NAA25: variants seen among roughly 807,000 people sequenced by gnomAD.
NAA25 encodes the protein N-terminal acetyltransferase B complex subunit NAA25.
Under a neutral mutation model 132.5 loss-of-function variants are expected in NAA25, and 30 were observed. The ratio of observed to expected loss-of-function variants is 0.23; its 90% CI spans 0.17 to 0.31. NAA25 has a LOEUF of 0.31. Among genes scored for constraint, NAA25 ranks in the 10% least tolerant of loss-of-function variants. The pLI, the probability that NAA25 is intolerant of heterozygous loss-of-function variation, is 1.00. For missense variants in NAA25, 771 were observed against 1,150.4 expected (o/e 0.67, Z 4.77); for synonymous variants, 359 against 401.9 (o/e 0.89, Z 1.28).
chr12:112,090,910 G>A (rs2079118773), intron 2 of NAA25, 46 bp from the exon 3 acceptor site: 2 of 1,548,896 alleles, frequency 1.3e-6, no homozygotes, highest in Non-Finnish European at 1.8e-6. Flanking sequence ...GACAGAAAAG[G>A]AAATATGAAC....
chr12:112,088,455 T>C (rs1270782794), intron 3 of NAA25, among the ~76,000 whole-genome samples: 1 of 150,190 alleles, frequency 6.7e-6, no homozygotes, highest in Non-Finnish European at 1.5e-5. Context: ...GCCTCCCAAG[T>C]AGCTGTTCTG....
Position 112,087,664 on chromosome 12 carries a change from G to A in NAA25, c.402+19C>T. The A allele has an allele frequency of 1.3e-6, 2 of 1,555,864 alleles. No individual in the cohort carries two copies. Among genetic ancestry groups the A allele is most frequent in the Non-Finnish European group, 1.8e-6 (2 of 1,127,794 alleles). On this transcript the variant is annotated intron_variant, in intron 4 of 23. Transcript: ENST00000261745. ...TAATAGTAAATCCCATAGCCCAGTA[G>A]GTTTGGGGATCAAATTACCTGTTGC...
rs747950814 is a variant in NAA25, at chr12:112,069,041, T to C, written c.1037-49A>G. 3 of 1,058,966 alleles carry C rather than the reference T, an allele frequency of 2.8e-6. No individual in the cohort carries two copies. In the South Asian group the frequency reaches 4.1e-5, roughly 15 times the overall value. 65.6% of individuals were successfully genotyped at this position (1,058,966 alleles called of 1,614,324 possible). A position where few individuals can be genotyped will look rare whatever the true frequency, so the allele number is the denominator to read the frequency against. On this transcript the variant is annotated intron_variant, in intron 10 of 23. Coordinates refer to ENST00000261745, the MANE Select transcript of NAA25 (RefSeq NM_024953.4). ...CTTTATTACTCATGAACAGAAGCAA[T>C]TTCTATTTAAGTGAGAATTAATTTG...
intron 11 of NAA25, 141 bp downstream of exon 11, chr12:112,068,739 G>T (rs2078756453): frequency 1.8e-6 from 1 of 544,236 alleles, no homozygotes; most frequent in South Asian, 2.9e-5. Flanking sequence ...AACACATAGA[G>T]TACTTAGCTT....
intron 7 of NAA25, among the ~76,000 whole-genome samples, chr12:112,076,152 G>C (rs1223329520): frequency 6.6e-6 from 1 of 151,942 alleles, no homozygotes; most frequent in Non-Finnish European, 1.5e-5. Flanking sequence ...CAGAGTGCTG[G>C]GATTACAGCT....
chr12:112,036,293 C>T (rs528518554), intron 22 of NAA25, among the ~76,000 whole-genome samples: 185 of 152,180 alleles, frequency 1.2e-3, no homozygotes, highest in South Asian at 6.6e-3. Flanking sequence ...CTCACTGGAA[C>T]GTATTCTAAG....
chr12:112,068,731 C>T, intron 11 of NAA25, 149 bp downstream of exon 11: 1 of 504,444 alleles, frequency 2.0e-6, no homozygotes, highest in Non-Finnish European at 3.5e-6. Flanking sequence ...AGTGTTGTAA[C>T]ACATAGAGTA....
intron 1 of NAA25, among the ~76,000 whole-genome samples, chr12:112,106,764 G>A (rs1468915203): frequency 6.7e-6 from 1 of 150,362 alleles, no homozygotes; most frequent in Non-Finnish European, 1.5e-5. Flanking sequence ...GACTAGACTG[G>A]GCAACATGAC....
intron 4 of NAA25, among the ~76,000 whole-genome samples, chr12:112,086,192 G>A (rs1384619525): frequency 6.8e-6 from 1 of 147,608 alleles, no homozygotes; most frequent in Non-Finnish European, 1.5e-5. Flanking sequence ...AATTACATTG[G>A]GACCCCTCAA....
At position 112,066,942 on chromosome 12, in the gene NAA25, A is replaced by G. The variant is rs982146129; in HGVS notation, c.1149+1938T>C. Among the ~76,000 whole-genome samples, 21 of 152,238 alleles carry G rather than the reference A, an allele frequency of 1.4e-4. 1 individual carries two copies. Among genetic ancestry groups the G allele is most frequent in the African/African-American group, 4.8e-4 (20 of 41,458 alleles). ...ACTTCATTCATTCCACATGGGGACA[A>G]TAGAAGGCTTTCTGGGAGAACGGAT... On this transcript the variant is annotated intron_variant, in intron 11 of 23. Transcript: ENST00000261745.
rs369979627 is a variant in NAA25 at position 112,034,787 on chromosome 12, C to G, written c.2650-1408G>C. 8 of 144,964 alleles carry G rather than the reference C, an allele frequency of 5.5e-5. No homozygotes were observed. In the East Asian group the frequency reaches 1.5e-3, roughly 28 times the overall value. 9.0% of individuals were successfully genotyped at this position (144,964 alleles called of 1,614,324 possible). ...AGATCCGCCGCCACTGCACTCCAGC[C>G]TGGGCGACAGTGAGACTCTGTCTCA... On this transcript the variant is annotated intron_variant, in intron 22 of 23. Transcript: ENST00000261745.
intron 3 of NAA25, among the ~76,000 whole-genome samples, chr12:112,089,879 G>A (rs1428953827): frequency 6.6e-6 from 1 of 151,444 alleles, no homozygotes; most frequent in Non-Finnish European, 1.5e-5. Context: ...TGTAATCCCA[G>A]CTACCTGGGA....
intron 13 of NAA25, among the ~76,000 whole-genome samples, chr12:112,057,764 G>A (rs1422671381): frequency 6.6e-6 from 1 of 152,216 alleles, no homozygotes; most frequent in Non-Finnish European, 1.5e-5. Flanking sequence ...GCCGAGGTGG[G>A]TGGATCACGA....
intron 1 of NAA25, among the ~76,000 whole-genome samples, chr12:112,101,653 A>G (rs973867717): frequency 6.6e-6 from 1 of 151,990 alleles, no homozygotes; most frequent in Non-Finnish European, 1.5e-5. Context: ...GCTACTTGGG[A>G]GGCTGAGGCA....
intron 10 of NAA25, among the ~76,000 whole-genome samples, chr12:112,070,903 T>G (rs1046356308): frequency 6.6e-6 from 1 of 152,222 alleles, no homozygotes; most frequent in Non-Finnish European, 1.5e-5. Flanking sequence ...TGTGCCACCA[T>G]GCCTGGCTAA....
In NAA25 at chr12:112,049,742, C is replaced by G; in HGVS notation, c.1729-1299G>C. 2 of 603,444 alleles carry G rather than the reference C, an allele frequency of 3.3e-6. No individual in the cohort carries two copies. The highest frequency in any genetic ancestry group is 4.2e-6 in the Non-Finnish European group (2 of 481,114). 37.4% of individuals were successfully genotyped at this position (603,444 alleles called of 1,614,324 possible). On this transcript the variant is annotated intron_variant, in intron 15 of 23. Transcript: ENST00000261745. The surrounding 1 kb of genome is among the most constrained non-coding windows in gnomAD (Gnocchi z 4.7). Reference sequence around the variant, plus strand: ...CTTGATTAAAGGACAGTGATACACCCTATCAAGAGGAGGCCAGGATACTCT... The same window carrying G: ...CTTGATTAAAGGACAGTGATACACCGTATCAAGAGGAGGCCAGGATACTCT...
chr12:112,048,899 C>T (rs2078425096), intron 15 of NAA25, among the ~76,000 whole-genome samples: 1 of 151,780 alleles, frequency 6.6e-6, no homozygotes, highest in Admixed American at 6.6e-5. Context: ...AACCACTCTC[C>T]TTCAGAAAAA....
At chr12:112,094,937 T>C (rs866197614) in intron 1 of NAA25, among the ~76,000 whole-genome samples, 14 of 151,808 alleles carry the variant, frequency 9.2e-5, no homozygotes, top group Non-Finnish European at 1.9e-4. Flanking sequence ...AGGGAGTACA[T>C]GTGTGAAAGG....
At chr12:112,068,273 T>C (rs971781107) in intron 11 of NAA25, among the ~76,000 whole-genome samples, 18 of 151,892 alleles carry the variant, frequency 1.2e-4, no homozygotes, top group African/African-American at 3.9e-4. Context: ...TAGATAGAGA[T>C]GGGAGAGGGG....
Sources: allele counts gnomAD v4.1 joint callset (sites outside exome capture counted in the v4.1 genomes callset), GRCh38; gene constraint gnomAD v4.1.1; non-coding constraint Gnocchi (gnomAD v3.1); transcripts MANE v1.5; gene names NCBI Gene and HGNC (gene_info 2026-07-23, HGNC 2026-07-21).